The following FGD4 variants were observed in gnomAD, a reference collection of about 807,000 sequenced individuals.
The protein encoded by FGD4 is FYVE, RhoGEF and PH domain containing 4.
FGD4 carries 42 observed loss-of-function variants against 102.0 expected under a neutral mutation model. The observed-to-expected ratio is 0.41, with a 90% confidence interval of 0.32 to 0.53. FGD4 has a LOEUF of 0.53. FGD4 is among the 20% of genes least tolerant of loss of function. The pLI is 0.21. For missense variants in FGD4, 902 were observed against 1,078.2 expected (o/e 0.84, Z 2.29); for synonymous variants, 380 against 375.7 (o/e 1.01, Z -0.13).
rs79635152 is a variant in FGD4 at position 32,419,877 on chromosome 12, A to G, written c.166+19918A>G. Among the ~76,000 whole-genome samples the G allele has an allele frequency of 2.0e-3, 309 of 152,180 alleles. 4 individuals are homozygous for G. The East Asian group carries it at 0.037, about 18-fold the overall frequency. On this transcript the variant is annotated intron_variant, in intron 1 of 16. Coordinates refer to ENST00000534526, the MANE Select transcript of FGD4 (RefSeq NM_001370298.3). ...CACTGAGTTCAAAGCAAAGCCTCCC[A>G]ACTGCTGTGCTGTCCATCTCCCAAA...
intron 11 of FGD4, among the ~76,000 whole-genome samples, chr12:32,620,520 C>CTTTCTTTCTTTCTTTTT (rs1949747434): frequency 1.1e-5 from 1 of 91,136 alleles, no homozygotes; most frequent in African/African-American, 4.6e-5. Context: ...TTTTTTCTTT[C>CTTTCTTTCTTTCTTTTT]TTTTTTTTTT....
intron 1 of FGD4, among the ~76,000 whole-genome samples, chr12:32,460,915 A>G (rs1943088495): frequency 6.6e-6 from 1 of 152,226 alleles, no homozygotes; most frequent in Non-Finnish European, 1.5e-5. Flanking sequence ...AACTCTTTCT[A>G]CATACTGTTT....
chr12:32,518,818 GA>G (rs60850659), intron 1 of FGD4, among the ~76,000 whole-genome samples: 14,601 of 138,598 alleles, frequency 0.11, 1,259 homozygotes, highest in African/African-American at 0.24. Flanking sequence ...CTTTACAAAA[GA>G]AAAAAAAAAC....
At chr12:32,619,629 C>T in intron 10 of FGD4, 69 bp from the exon 11 acceptor site, 1 of 1,566,586 alleles carries the variant, frequency 6.4e-7, no homozygotes, top group Non-Finnish European at 8.8e-7. Context: ...GAGACTCTGT[C>T]TCAAAAAAAA....
intron 1 of FGD4, among the ~76,000 whole-genome samples, chr12:32,554,239 G>A (rs1943921532): frequency 6.6e-6 from 1 of 152,014 alleles, no homozygotes; most frequent in African/African-American, 2.4e-5. Context: ...AATTATTTGG[G>A]TATGTATAGC....
intron 1 of FGD4, among the ~76,000 whole-genome samples, chr12:32,513,117 C>T (rs978171675): frequency 2.6e-5 from 4 of 152,122 alleles, no homozygotes; most frequent in African/African-American, 9.7e-5. Flanking sequence ...TACAAAGGTA[C>T]ATGCAAAGTG....
intron 1 of FGD4, among the ~76,000 whole-genome samples, chr12:32,530,311 T>C (rs1024460942): frequency 2.2e-4 from 33 of 152,250 alleles, no homozygotes; most frequent in African/African-American, 7.5e-4. Context: ...GGTGAAACCC[T>C]GTCTCTACTA....
Position 32,461,924 on chromosome 12 carries a change from A to C in FGD4, c.166+61965A>C, listed in dbSNP as rs1252329974. Among the ~76,000 whole-genome samples the C allele has an allele frequency of 4.6e-5, 7 of 151,724 alleles. No homozygotes were observed. The South Asian group carries it at 1.3e-3, about 27-fold the overall frequency. ...ATGTTTTTAGTAGAGACGGGCTTTCACCATCTTGGCCATGCTGGTCTTGAA... is the reference window on the plus strand; with the variant it reads ...ATGTTTTTAGTAGAGACGGGCTTTCCCCATCTTGGCCATGCTGGTCTTGAA... On this transcript the variant is annotated intron_variant, in intron 1 of 16. Transcript: ENST00000534526.
intron 2 of FGD4, among the ~76,000 whole-genome samples, chr12:32,569,880 T>C (rs981757356): frequency 2.6e-5 from 4 of 152,200 alleles, no homozygotes; most frequent in African/African-American, 9.6e-5. Context: ...TATAAATTTA[T>C]ACTGTCATCA....
At chr12:32,500,080 T>C (rs1163919121) in intron 1 of FGD4, among the ~76,000 whole-genome samples, 1 of 152,200 alleles carries the variant, frequency 6.6e-6, no homozygotes, top group Non-Finnish European at 1.5e-5. Context: ...TTCAGTTTTG[T>C]ATTCTGTTTT....
chr12:32,475,223 C>G (rs1391128177), intron 1 of FGD4, among the ~76,000 whole-genome samples: 1 of 152,042 alleles, frequency 6.6e-6, no homozygotes, highest in Admixed American at 6.6e-5. Context: ...TCTTCCTGTC[C>G]GAGTAGGGTG....
intron 1 of FGD4, among the ~76,000 whole-genome samples, chr12:32,420,838 A>G (rs139273433): frequency 4.4e-4 from 67 of 152,328 alleles, no homozygotes; most frequent in African/African-American, 1.6e-3. Context: ...TTGAATAAAC[A>G]GAAGAACCCC....
intron 1 of FGD4, among the ~76,000 whole-genome samples, chr12:32,431,104 G>C: frequency 6.6e-6 from 1 of 152,164 alleles, no homozygotes; most frequent in East Asian, 1.9e-4. Context: ...CACAAAATGA[G>C]CATTGGAGAG....
chr12:32,558,022 AT>A (rs1944257797), intron 1 of FGD4, among the ~76,000 whole-genome samples: 1 of 152,214 alleles, frequency 6.6e-6, no homozygotes, highest in African/African-American at 2.4e-5. Flanking sequence ...ATGCAGTGAT[AT>A]TAATATAATA....
intron 14 of FGD4, among the ~76,000 whole-genome samples, chr12:32,628,081 A>G (rs1950283981): frequency 6.6e-6 from 1 of 152,204 alleles, no homozygotes. Flanking sequence ...GGTAGACTGC[A>G]CAGCGCTGGC....
intron 4 of FGD4, among the ~76,000 whole-genome samples, chr12:32,586,554 G>A (rs942107013): frequency 6.6e-6 from 1 of 152,208 alleles, no homozygotes; most frequent in Non-Finnish European, 1.5e-5. Context: ...GCATGGAAGT[G>A]ACATGATGAC....
At chr12:32,576,121 G>T in intron 2 of FGD4, 145 bp from the exon 3 acceptor site, 2 of 746,550 alleles carry the variant, frequency 2.7e-6, no homozygotes, top group Non-Finnish European at 4.3e-6. Context: ...AAAGTCTTTT[G>T]GTTATGGTTT....
chr12:32,562,923 G>C (rs1944754593), intron 1 of FGD4, among the ~76,000 whole-genome samples: 1 of 152,194 alleles, frequency 6.6e-6, no homozygotes, highest in Admixed American at 6.5e-5. Context: ...TCAATGAGCT[G>C]TTGGGTACAC....
intron 5 of FGD4, 116 bp downstream of exon 5, chr12:32,598,702 A>T (rs1592352853): frequency 1.2e-6 from 1 of 820,294 alleles, no homozygotes; most frequent in East Asian, 2.6e-5. Context: ...GGCTAGTGAA[A>T]GGTACTTGCT....
Sources: allele counts gnomAD v4.1 joint callset (sites outside exome capture counted in the v4.1 genomes callset), GRCh38; gene constraint gnomAD v4.1.1; transcripts MANE v1.5; gene names NCBI Gene and HGNC (gene_info 2026-07-23, HGNC 2026-07-21).